The following NFIA variants were observed in gnomAD, a reference collection of about 807,000 sequenced individuals.
The protein encoded by NFIA is nuclear factor 1 A-type.
Under a neutral mutation model 62.8 loss-of-function variants are expected in NFIA, and 8 were observed. The observed-to-expected ratio is 0.13, with a 90% confidence interval of 0.07 to 0.23. The LOEUF (loss-of-function observed/expected upper bound fraction) is 0.23. Among genes scored for constraint, NFIA ranks in the 10% least tolerant of loss-of-function variants. The pLI, the probability that NFIA is intolerant of heterozygous loss-of-function variation, is 1.00. For synonymous variants in NFIA, 235 were observed against 238.1 expected (o/e 0.99, Z 0.12); for missense variants, 410 against 642.1 (o/e 0.64, Z 3.91).
At chr1:61,192,516 A>G (rs1570351975) in intron 2 of NFIA, among the ~76,000 whole-genome samples, 1 of 150,786 alleles carries the variant, frequency 6.6e-6, no homozygotes, top group East Asian at 2.0e-4. Context: ...CCTGACCAAC[A>G]TGGTGAAACC....
intron 2 of NFIA, among the ~76,000 whole-genome samples, chr1:61,110,332 G>A (rs1023819054): frequency 2.0e-5 from 3 of 151,604 alleles, no homozygotes; most frequent in Admixed American, 6.6e-5. Context: ...AGGGGTAAAG[G>A]TATCATTTTT....
chr1:61,088,793 G>T lies in NFIA; in HGVS notation c.559+113G>T, dbSNP rs975485620. 4 of 1,242,844 alleles carry T rather than the reference G, an allele frequency of 3.2e-6. No homozygotes were observed. The highest frequency in any genetic ancestry group is 2.3e-5 in the Admixed American group (1 of 43,782). 77.0% of individuals were successfully genotyped at this position (1,242,844 alleles called of 1,614,324 possible). A position where few individuals can be genotyped will look rare whatever the true frequency, so the allele number is the denominator to read the frequency against. Reference sequence around the variant, plus strand: ...TCCCCAAGTTGCAGGCCACGTACATGAAGCCAGTGTGGTTTCAAAGATTGA... The same window carrying T: ...TCCCCAAGTTGCAGGCCACGTACATTAAGCCAGTGTGGTTTCAAAGATTGA... On this transcript the variant is annotated intron_variant, in intron 2 of 10. Transcript: ENST00000403491. This position sits in a 1 kb window ranked among gnomAD's most constrained non-coding sequence, Gnocchi z 4.5.
intron 7 of NFIA, among the ~76,000 whole-genome samples, chr1:61,402,107 G>A (rs1278600717): frequency 7.6e-6 from 1 of 131,830 alleles, no homozygotes; most frequent in Non-Finnish European, 1.5e-5. Context: ...GCGCGATCTC[G>A]GCTCATTGCA....
chr1:61,237,378 T>C (rs1655071671), intron 2 of NFIA, among the ~76,000 whole-genome samples: 1 of 152,236 alleles, frequency 6.6e-6, no homozygotes, highest in Non-Finnish European at 1.5e-5. Flanking sequence ...AAACAGAAGG[T>C]AATATGAGAA....
chr1:61,275,506 T>G (rs1402108278), intron 2 of NFIA, among the ~76,000 whole-genome samples: 1 of 152,174 alleles, frequency 6.6e-6, no homozygotes, highest in Non-Finnish European at 1.5e-5. Flanking sequence ...TATTTTCCAT[T>G]TATTCATAGA....
At chr1:61,080,558 A>T (rs1445854692), upstream of NFIA, among the ~76,000 whole-genome samples, 1 of 152,192 alleles carries the variant, frequency 6.6e-6, no homozygotes, top group Admixed American at 6.5e-5. Flanking sequence ...GAAGTTATAG[A>T]TCCCAGCAAA....
intron 2 of NFIA, among the ~76,000 whole-genome samples, chr1:61,237,186 C>G (rs1188557744): frequency 6.6e-6 from 1 of 152,208 alleles, no homozygotes; most frequent in African/African-American, 2.4e-5. Context: ...ATATAGTTAT[C>G]TCTCATTTGC....
At chr1:61,447,278 A>G (rs1490079988) in intron 10 of NFIA, among the ~76,000 whole-genome samples, 1 of 152,216 alleles carries the variant, frequency 6.6e-6, no homozygotes, top group African/African-American at 2.4e-5. Flanking sequence ...ACCAGGAGCC[A>G]GCTTTTTTAT....
intron 2 of NFIA, among the ~76,000 whole-genome samples, chr1:61,113,829 C>A (rs1420497921): frequency 6.6e-6 from 1 of 152,044 alleles, no homozygotes; most frequent in Non-Finnish European, 1.5e-5. Context: ...TGTCCTAGAG[C>A]AGGTCGGTTG....
chr1:61,357,832 G>A (rs551100166), intron 5 of NFIA, among the ~76,000 whole-genome samples: 11 of 152,000 alleles, frequency 7.2e-5, no homozygotes, highest in Non-Finnish European at 1.3e-4. Flanking sequence ...TTCCCAACAC[G>A]CACTCCCAGT....
In NFIA at chr1:61,089,695, C is replaced by CTTTTTT. The variant is rs918196815; in HGVS notation, c.559+1029_559+1034dup. ...GTTCAAATATTTAACGTTTTTTTTTCTTTTTTTTTTTTTTTTTTTACAAAG... is the reference window on the plus strand; with the variant it reads ...GTTCAAATATTTAACGTTTTTTTTTCTTTTTTTTTTTTTTTTTTTTTTTTTACAAAG... On this transcript the variant is annotated intron_variant, in intron 2 of 10. Coordinates refer to ENST00000403491, the MANE Select transcript of NFIA (RefSeq NM_001134673.4). Among the ~76,000 whole-genome samples the CTTTTTT allele has an allele frequency of 9.1e-3, 976 of 107,718 alleles. 5 individuals are homozygous for CTTTTTT. Among genetic ancestry groups the CTTTTTT allele is most frequent in the Non-Finnish European group, 0.014 (708 of 51,188 alleles). 70.7% of individuals were successfully genotyped at this position (107,718 alleles called of 152,430 possible).
chr1:61,318,818 G>A (rs1202707421), intron 3 of NFIA, among the ~76,000 whole-genome samples: 1 of 152,028 alleles, frequency 6.6e-6, no homozygotes, highest in African/African-American at 2.4e-5. Flanking sequence ...GTTTTTGCCC[G>A]ACTCAAGGTA....
chr1:61,132,948 C>T (rs988065140), intron 2 of NFIA: 2 of 152,102 alleles, frequency 1.3e-5, no homozygotes, highest in African/African-American at 2.4e-5. Context: ...AGACACTGCC[C>T]CCCCCACCCA....
intron 2 of NFIA, among the ~76,000 whole-genome samples, chr1:61,185,496 T>A (rs992617732): frequency 6.6e-6 from 1 of 152,148 alleles, no homozygotes. Context: ...TCAAAGAAGT[T>A]AGTTAGTTTA....
At position 61,147,121 on chromosome 1, in the gene NFIA, A is replaced by G. The variant is rs1037624099; in HGVS notation, c.559+58441A>G. Among the ~76,000 whole-genome samples the G allele has an allele frequency of 9.9e-5, 15 of 152,046 alleles. No homozygotes were observed. The East Asian group carries it at 2.9e-3, about 29-fold the overall frequency. On this transcript the variant is annotated intron_variant, in intron 2 of 10. Coordinates refer to ENST00000403491, the MANE Select transcript of NFIA (RefSeq NM_001134673.4). ...GGTAGATTCTGCATAGTTGGAAGTG[A>G]TGGAAATCAAGGTGAATGCCTGATT... is the stretch of plus-strand genomic sequence containing the variant.
intron 2 of NFIA, among the ~76,000 whole-genome samples, chr1:61,142,796 A>G (rs1373815122): frequency 6.6e-6 from 1 of 152,210 alleles, no homozygotes; most frequent in African/African-American, 2.4e-5. Flanking sequence ...AGGAAGACAC[A>G]GACACAGGCT....
At chr1:61,190,824 A>G (rs1396662704) in intron 2 of NFIA, among the ~76,000 whole-genome samples, 2 of 152,122 alleles carry the variant, frequency 1.3e-5, no homozygotes, top group African/African-American at 2.4e-5. Flanking sequence ...TGCAACACCA[A>G]CTTCTTTTCT....
At chr1:61,181,066 T>G (rs773885134) in intron 2 of NFIA, among the ~76,000 whole-genome samples, 1 of 152,238 alleles carries the variant, frequency 6.6e-6, no homozygotes, top group Non-Finnish European at 1.5e-5. Context: ...AATACAGTGC[T>G]TGAGGCAGTG....
At chr1:61,082,078 G>T (rs1303018599), upstream of NFIA, 1 of 1,524,228 alleles carries the variant, frequency 6.6e-7, no homozygotes, top group Non-Finnish European at 8.8e-7. Context: ...GGGGTGGGGG[G>T]ATGGGGACGA....
Sources: allele counts gnomAD v4.1 joint callset (sites outside exome capture counted in the v4.1 genomes callset), GRCh38; gene constraint gnomAD v4.1.1; non-coding constraint Gnocchi (gnomAD v3.1); transcripts MANE v1.5; gene names NCBI Gene and HGNC (gene_info 2026-07-23, HGNC 2026-07-21).